Variants in IRAK3 observed in about 807,000 individuals in gnomAD.
IRAK3 encodes interleukin-1 receptor-associated kinase 3.
In IRAK3, 57 loss-of-function variants were observed where a neutral mutation model predicts 56.6. The observed-to-expected ratio is 1.01, with a 90% CI of 0.81 to 1.26. The LOEUF is 1.26. Ranked by LOEUF, IRAK3 falls within the 50% of genes most tolerant of loss-of-function variation. IRAK3 has a pLI of 0.00. For synonymous variants in IRAK3, 258 were observed against 255.7 expected (o/e 1.01, Z -0.09); for missense variants, 703 against 719.0 (o/e 0.98, Z 0.25).
At chr12:66,208,908 A>G (rs2052584626) in intron 2 of IRAK3, among the ~76,000 whole-genome samples, 1 of 151,910 alleles carries the variant, frequency 6.6e-6, no homozygotes, top group African/African-American at 2.4e-5. Flanking sequence ...TACTAAAAAT[A>G]CAAAAAAAAT....
chr12:66,235,462 TCC>T lies in IRAK3; in HGVS notation c.887+7095_887+7096del, dbSNP rs1357407966. ...CGGGGGCTGCAGCTCCGCGCTGACT[TCC>T]CCTCCGCACTCGTCTAAAAGTGCGG... On this transcript the variant is annotated intron_variant, in intron 8 of 11. Transcript: ENST00000261233. Among the ~76,000 whole-genome samples, 3 of 151,082 alleles carry T rather than the reference TCC, an allele frequency of 2.0e-5. No homozygotes were observed. The East Asian group carries it at 5.9e-4, about 30-fold the overall frequency.
In IRAK3 at chr12:66,217,151, T is replaced by A; in HGVS notation, c.589-20T>A. The A allele has an allele frequency of 6.4e-7, 1 of 1,558,852 alleles. No homozygotes were observed. Among genetic ancestry groups the A allele is most frequent in the Non-Finnish European group, 8.9e-7 (1 of 1,129,748 alleles). ...ACAGATCCTTTCCTTAATTTTGTTC[T>A]TGTCTTTCTGTATATGTAGGAGAAA... On this transcript the variant is annotated intron_variant, in intron 5 of 11. Transcript: ENST00000261233.
chr12:66,217,324 G>A lies in IRAK3; in HGVS notation c.653+89G>A, dbSNP rs547570776. 1,284 of 962,940 alleles carry A rather than the reference G, an allele frequency of 1.3e-3. 1 individual carries two copies. The highest frequency in any genetic ancestry group is 1.9e-3 in the Non-Finnish European group (1,116 of 586,646). 59.6% of individuals were successfully genotyped at this position (962,940 alleles called of 1,614,324 possible). On this transcript the variant is annotated intron_variant, in intron 6 of 11. Transcript: ENST00000261233. ...TATTTTACAGCACAGAGCTTGGCGT[G>A]ACATGTAATAAATTTGGGTTGGATG... is the stretch of plus-strand genomic sequence containing the variant.
chr12:66,214,981 A>C (rs2052654286), intron 5 of IRAK3, among the ~76,000 whole-genome samples: 1 of 152,198 alleles, frequency 6.6e-6, no homozygotes, highest in African/African-American at 2.4e-5. Flanking sequence ...AGCTTGCATT[A>C]CCGTACCGTT....
chr12:66,212,663 C>T (rs1308363881), intron 5 of IRAK3, among the ~76,000 whole-genome samples: 7 of 152,062 alleles, frequency 4.6e-5, no homozygotes, highest in Non-Finnish European at 8.8e-5. Context: ...CAAAAGATCA[C>T]AGAAGCACAT....
At chr12:66,206,935 T>C (rs1489822105) in intron 2 of IRAK3, among the ~76,000 whole-genome samples, 1 of 152,192 alleles carries the variant, frequency 6.6e-6, no homozygotes, top group Non-Finnish European at 1.5e-5. Context: ...GTTTCAATAG[T>C]TTGTGTCTTC....
chr12:66,242,729 C>A (rs2052983749), intron 8 of IRAK3, among the ~76,000 whole-genome samples: 1 of 152,210 alleles, frequency 6.6e-6, no homozygotes, highest in African/African-American at 2.4e-5. Context: ...CCCTTGCCAC[C>A]CTTAGCGGAA....
Position 66,240,195 on chromosome 12 carries a change from G to C in IRAK3, c.888-4291G>C, listed in dbSNP as rs11465979. ...CCTTACGTTTTCTCATTTAATACTG[G>C]TAAGAACCCCGTGAAGTAAGCAGTA... On this transcript the variant is annotated intron_variant, in intron 8 of 11. Coordinates refer to ENST00000261233, the MANE Select transcript of IRAK3 (RefSeq NM_007199.3). 2.5e-3 allele frequency among the ~76,000 whole-genome samples: 382 copies of C among 152,246 alleles called. 2 individuals are homozygous for C. Among genetic ancestry groups the C allele is most frequent in the African/African-American group, 8.7e-3 (363 of 41,550 alleles).
intron 5 of IRAK3, among the ~76,000 whole-genome samples, chr12:66,215,788 A>ACGTGCACGTGCGCGCGTGCG (rs375264640): frequency 1.5e-5 from 2 of 131,612 alleles, no homozygotes; most frequent in South Asian, 2.5e-4. Flanking sequence ...CCCAACATGC[A>ACGTGCACGTGCGCGCGTGCG]CACACACACA....
At chr12:66,214,506 A>G in intron 5 of IRAK3, among the ~76,000 whole-genome samples, 1 of 151,904 alleles carries the variant, frequency 6.6e-6, no homozygotes, top group East Asian at 1.9e-4. Context: ...ACGCCACTGC[A>G]TTTCAGTGTG....
In IRAK3 at chr12:66,215,786, G is replaced by GCACGTGCACGTGCGCGCGCGCGCGCA. The variant is rs368883846; in HGVS notation, c.589-1382_589-1381insGTGCACGTGCGCGCGCGCGCGCACAC. On this transcript the variant is annotated intron_variant, in intron 5 of 11. Transcript: ENST00000261233. ...TCCGCCCCCTATTTTAACCCAACAT[G>GCACGTGCACGTGCGCGCGCGCGCGCA]CACACACACACACACACACACACAC... is the stretch of plus-strand genomic sequence containing the variant. Among the ~76,000 whole-genome samples the GCACGTGCACGTGCGCGCGCGCGCGCA allele has an allele frequency of 7.6e-4, 93 of 122,906 alleles. 1 individual carries two copies. The highest frequency in any genetic ancestry group is 1.4e-3 in the South Asian group (5 of 3,482). 80.6% of individuals were successfully genotyped at this position (122,906 alleles called of 152,430 possible).
At position 66,204,950 on chromosome 12, in the gene IRAK3, T is replaced by C. The variant is rs142135819; in HGVS notation, c.316+1057T>C. On this transcript the variant is annotated intron_variant, in intron 2 of 11. Coordinates refer to ENST00000261233, the MANE Select transcript of IRAK3 (RefSeq NM_007199.3). ...ATATTATTCATATAACTTGGCTAAT[T>C]CCCTTTGTCTTTTGCACATTGTTTC... Among the ~76,000 whole-genome samples, 1,156 of 152,266 alleles carry C rather than the reference T, an allele frequency of 7.6e-3. 22 individuals are homozygous for C. Among genetic ancestry groups the C allele is most frequent in the African/African-American group, 0.026 (1,077 of 41,544 alleles).
At position 66,253,980 on chromosome 12, in the gene IRAK3, A is replaced by G. The variant is rs568283526; in HGVS notation, c.*5809A>G. The G allele has an allele frequency of 6.6e-6, 1 of 152,308 alleles. No individual in the cohort carries two copies. Among genetic ancestry groups the G allele is most frequent in the South Asian group, 2.1e-4 (1 of 4,828 alleles). The allele number at this position is 152,308 out of a possible 1,614,324, so 9.4% of individuals were successfully genotyped here. ...AAGTGTCCTCTATTTGAACATGAAAACAGCTAATAAAGATGTGTTATTTTA... is the reference window on the plus strand; with the variant it reads ...AAGTGTCCTCTATTTGAACATGAAAGCAGCTAATAAAGATGTGTTATTTTA... On this transcript the variant is annotated 3_prime_UTR_variant, in exon 12 of 12. Transcript: ENST00000261233.
chr12:66,245,686 C>T (rs892676286), intron 11 of IRAK3, among the ~76,000 whole-genome samples: 4 of 151,836 alleles, frequency 2.6e-5, no homozygotes, highest in Non-Finnish European at 5.9e-5. Flanking sequence ...GCACGAGCCA[C>T]CACGCCTGGC....
At position 66,248,443 on chromosome 12, in the gene IRAK3, T is replaced by C. The variant is rs2053059927; in HGVS notation, c.*272T>C. Reference sequence around the variant, plus strand: ...CAAAATTCCTTAAGATCATGGGTTCTGACTTCAGCCAAACAAAACAATCAA... The same window carrying C: ...CAAAATTCCTTAAGATCATGGGTTCCGACTTCAGCCAAACAAAACAATCAA... On this transcript the variant is annotated 3_prime_UTR_variant, in exon 12 of 12. Transcript: ENST00000261233. 6.2e-6 allele frequency: 2 copies of C among 324,964 alleles called. No homozygotes were observed. Among genetic ancestry groups the C allele is most frequent in the East Asian group, 1.1e-4 (2 of 17,888 alleles). The allele number at this position is 324,964 out of a possible 1,614,324, so 20.1% of individuals were successfully genotyped here.
At chr12:66,231,196 T>G (rs898868907) in intron 8 of IRAK3, among the ~76,000 whole-genome samples, 2 of 152,180 alleles carry the variant, frequency 1.3e-5, no homozygotes, top group Non-Finnish European at 2.9e-5. Context: ...AGCTCTAGTT[T>G]AAGAAAAATT....
chr12:66,240,201 AC>A (rs1473479078), intron 8 of IRAK3, among the ~76,000 whole-genome samples: 1 of 152,144 alleles, frequency 6.6e-6, no homozygotes, highest in Admixed American at 6.5e-5. Flanking sequence ...ACTGGTAAGA[AC>A]CCCGTGAAGT....
chr12:66,189,765 G>C (rs78548067), intron 1 of IRAK3, among the ~76,000 whole-genome samples: 2,016 of 152,252 alleles, frequency 0.013, 17 homozygotes, highest in Middle Eastern at 0.017. Flanking sequence ...ATGTCTTCTG[G>C]TCCTTGCAAA....
chr12:66,225,574 A>C (rs1406276395), intron 6 of IRAK3, among the ~76,000 whole-genome samples: 1 of 152,192 alleles, frequency 6.6e-6, no homozygotes, highest in Non-Finnish European at 1.5e-5. Context: ...AATATCCCCA[A>C]GCCTGCCCAG....
Sources: gnomAD v4.1 joint callset for allele counts (sites outside exome capture counted in the v4.1 genomes callset) on GRCh38, gnomAD v4.1.1 for gene constraint, MANE v1.5 for transcripts, NCBI Gene and HGNC (gene_info 2026-07-23, HGNC 2026-07-21) for gene names.